Variants in KCNC2 observed in about 807,000 individuals in gnomAD.
KCNC2 encodes potassium voltage-gated channel subfamily C member 2.
A neutral mutation model predicts 44.5 loss-of-function variants in KCNC2; 21 were observed. The ratio of observed to expected loss-of-function variants is 0.47; its 90% CI spans 0.33 to 0.68. The LOEUF (loss-of-function observed/expected upper bound fraction) is 0.68, where lower values mean the gene tolerates loss of function less well. KCNC2 is among the 30% of genes least tolerant of loss of function. The probability of loss-of-function intolerance (pLI) is 0.01; values close to 1 mark genes in which losing one functional copy is unlikely to be tolerated. For synonymous variants in KCNC2, 391 were observed against 339.1 expected (o/e 1.15, Z -1.68); for missense variants, 589 against 826.2 (o/e 0.71, Z 3.52).
chr12:75,041,307 C>T lies in KCNC2; in HGVS notation c.*1798G>A, dbSNP rs1592741504. ...ATGTGTGGTGTTATCAAAAGAATCA[C>T]TGTGTCTCTAAATATCATATATGTA... On this transcript the variant is annotated 3_prime_UTR_variant, in exon 5 of 5. Coordinates refer to ENST00000549446, the MANE Select transcript of KCNC2 (RefSeq NM_139137.4). 7 of 1,514,272 alleles carry T rather than the reference C, an allele frequency of 4.6e-6. No individual in the cohort carries two copies. The South Asian group carries it at 7.5e-5, about 16-fold the overall frequency. 93.8% of individuals were successfully genotyped at this position (1,514,272 alleles called of 1,614,324 possible). A position where few individuals can be genotyped will look rare whatever the true frequency, so the allele number is the denominator to read the frequency against.
chr12:75,166,765 GA>G (rs1193142611), intron 2 of KCNC2, among the ~76,000 whole-genome samples: 4 of 150,544 alleles, frequency 2.7e-5, no homozygotes, highest in South Asian at 4.2e-4. Context: ...TGCAACAAAT[GA>G]AAACAAAAAA....
intron 2 of KCNC2, among the ~76,000 whole-genome samples, chr12:75,058,424 C>G: frequency 6.6e-6 from 1 of 151,870 alleles, no homozygotes; most frequent in Admixed American, 6.6e-5. Flanking sequence ...GTTATAGAGT[C>G]ACATTATTAA....
chr12:75,151,597 T>C (rs1392562235), intron 2 of KCNC2, among the ~76,000 whole-genome samples: 1 of 151,844 alleles, frequency 6.6e-6, no homozygotes, highest in Non-Finnish European at 1.5e-5. Context: ...AGGATAGTGA[T>C]TGGCATGTAA....
chr12:75,118,131 G>T (rs1324599011), intron 2 of KCNC2, among the ~76,000 whole-genome samples: 1 of 152,106 alleles, frequency 6.6e-6, no homozygotes, highest in Non-Finnish European at 1.5e-5. Flanking sequence ...AATTTAGATA[G>T]AGCAGAAATT....
rs913814607 is a variant in KCNC2, at chr12:75,042,101, C to CA, written c.*1003dup. The CA allele has an allele frequency of 1.5e-5, 19 of 1,235,510 alleles. No homozygotes were observed. The highest frequency in any genetic ancestry group is 4.1e-5 in the Admixed American group (1 of 24,562). The allele number at this position is 1,235,510 out of a possible 1,614,324, so 76.5% of individuals were successfully genotyped here. On this transcript the variant is annotated 3_prime_UTR_variant, in exon 5 of 5. Transcript: ENST00000549446. Reference sequence around the variant, plus strand: ...ACACCAGTGACATTTGATGTTTGCACAAAAAATTAATAAATAAAAATAAAA... The same window carrying CA: ...ACACCAGTGACATTTGATGTTTGCACAAAAAAATTAATAAATAAAAATAAAA...
At chr12:75,153,068 A>G (rs1038515682) in intron 2 of KCNC2, among the ~76,000 whole-genome samples, 12 of 151,994 alleles carry the variant, frequency 7.9e-5, no homozygotes, top group African/African-American at 2.9e-4. Context: ...GTAAATTCAG[A>G]GAAAAAAATA....
chr12:75,053,111 A>T (rs778882145), intron 2 of KCNC2, among the ~76,000 whole-genome samples: 4 of 152,180 alleles, frequency 2.6e-5, no homozygotes, highest in Non-Finnish European at 5.9e-5. Flanking sequence ...ACATTAAAAG[A>T]TAACCTTTCA....
chr12:75,130,104 A>C (rs1888722348), intron 2 of KCNC2, among the ~76,000 whole-genome samples: 1 of 152,028 alleles, frequency 6.6e-6, no homozygotes, highest in South Asian at 2.1e-4. Flanking sequence ...ATATTCCAAA[A>C]CAGGTCCTGT....
chr12:75,077,160 C>T (rs187609249), intron 2 of KCNC2, among the ~76,000 whole-genome samples: 71 of 152,212 alleles, frequency 4.7e-4, no homozygotes, highest in African/African-American at 1.6e-3. Context: ...TTCCCTAATA[C>T]AAGATAATTT....
chr12:75,151,146 G>C (rs569082146), intron 2 of KCNC2, among the ~76,000 whole-genome samples: 4 of 152,040 alleles, frequency 2.6e-5, no homozygotes, highest in South Asian at 4.1e-4. Context: ...CACGATGCAA[G>C]AAAACTAATA....
intron 2 of KCNC2, among the ~76,000 whole-genome samples, chr12:75,093,608 G>T (rs956998649): frequency 6.6e-6 from 1 of 151,486 alleles, no homozygotes; most frequent in South Asian, 2.1e-4. Flanking sequence ...AAATTTAAAG[G>T]ATTTATGAAG....
intron 2 of KCNC2, among the ~76,000 whole-genome samples, chr12:75,201,518 G>A (rs2031275334): frequency 6.6e-6 from 1 of 151,782 alleles, no homozygotes; most frequent in South Asian, 2.1e-4. Flanking sequence ...TCAAGATTTA[G>A]GAAGATGAAG....
At chr12:75,048,460 A>G in intron 3 of KCNC2, 143 bp from the exon 4 acceptor site, 3 of 554,810 alleles carry the variant, frequency 5.4e-6, no homozygotes, top group Non-Finnish European at 8.6e-6. Context: ...AAGAATTTTT[A>G]TCACTCTTCA....
At chr12:75,072,868 A>C (rs1407426866) in intron 2 of KCNC2, among the ~76,000 whole-genome samples, 1 of 152,202 alleles carries the variant, frequency 6.6e-6, no homozygotes, top group Non-Finnish European at 1.5e-5. Context: ...AAAATTGCCA[A>C]ATAAATATAA....
At chr12:75,071,252 C>CG (rs1311749232) in intron 2 of KCNC2, among the ~76,000 whole-genome samples, 1 of 152,080 alleles carries the variant, frequency 6.6e-6, no homozygotes, top group East Asian at 1.9e-4. Flanking sequence ...GCATTAAAGA[C>CG]GGCTTGGTAG....
intron 2 of KCNC2, among the ~76,000 whole-genome samples, chr12:75,179,943 A>G (rs1045647904): frequency 3.3e-5 from 5 of 151,932 alleles, no homozygotes; most frequent in African/African-American, 1.2e-4. Flanking sequence ...CATCTAAAAA[A>G]GCATTTACTG....
At chr12:75,099,843 C>T (rs931995293) in intron 2 of KCNC2, among the ~76,000 whole-genome samples, 10 of 152,064 alleles carry the variant, frequency 6.6e-5, no homozygotes, top group African/African-American at 2.4e-4. Context: ...AAAAGTGAAG[C>T]AATGGATTAG....
chr12:75,112,592 A>G (rs548521463), intron 2 of KCNC2, among the ~76,000 whole-genome samples: 3 of 152,128 alleles, frequency 2.0e-5, no homozygotes, highest in Non-Finnish European at 2.9e-5. Context: ...CATAAGCTGC[A>G]CATTTCTACT....
intron 2 of KCNC2, among the ~76,000 whole-genome samples, chr12:75,199,909 G>A (rs2137771993): frequency 6.6e-6 from 1 of 151,944 alleles, no homozygotes; most frequent in East Asian, 1.9e-4. Flanking sequence ...TGGGAGGTAA[G>A]CTCCTGCAGG....
Sources: allele counts gnomAD v4.1 joint callset (sites outside exome capture counted in the v4.1 genomes callset), GRCh38; gene constraint gnomAD v4.1.1; transcripts MANE v1.5; gene names NCBI Gene and HGNC (gene_info 2026-07-23, HGNC 2026-07-21).